Variants in SLC35D4 observed in about 807,000 individuals in gnomAD.
SLC35D4 encodes UDP-N-acetylglucosamine transporter SLC35D4.
At chr18:23,424,550 C>T in the SLC35D4 span, among the ~76,000 whole-genome samples, 3 of 152,120 alleles carry the variant, frequency 2.0e-5, no homozygotes, top group Admixed American at 6.6e-5. Context: ...GCAATCCAAG[C>T]GTAGAGATTA....
chr18:23,319,244 C>A, the SLC35D4 span, among the ~76,000 whole-genome samples: 9 of 147,406 alleles, frequency 6.1e-5, 1 homozygote, highest in East Asian at 1.8e-3. Flanking sequence ...TATTTCAGTG[C>A]TTTATTTATT....
At chr18:23,249,051 G>A in the SLC35D4 span, among the ~76,000 whole-genome samples, 1 of 152,228 alleles carries the variant, frequency 6.6e-6, no homozygotes, top group Non-Finnish European at 1.5e-5. Context: ...CTGCTCTGCT[G>A]TGCTCTACAC....
the SLC35D4 span, among the ~76,000 whole-genome samples, chr18:23,418,174 A>G: frequency 6.6e-6 from 1 of 152,102 alleles, no homozygotes; most frequent in African/African-American, 2.4e-5. Context: ...TGACTTAATA[A>G]CTTCTCCTTT....
At chr18:23,252,352 G>A in the SLC35D4 span, among the ~76,000 whole-genome samples, 13 of 152,304 alleles carry the variant, frequency 8.5e-5, no homozygotes, top group East Asian at 2.5e-3. Context: ...CCTAGAAATG[G>A]TTAAGATGGT....
the SLC35D4 span, among the ~76,000 whole-genome samples, chr18:23,360,840 G>A: frequency 6.6e-6 from 1 of 152,040 alleles, no homozygotes; most frequent in African/African-American, 2.4e-5. Context: ...AGCAGCTCAC[G>A]CCTGTAATCC....
At chr18:23,361,120 A>G in the SLC35D4 span, among the ~76,000 whole-genome samples, 5 of 138,246 alleles carry the variant, frequency 3.6e-5, no homozygotes, top group Admixed American at 7.2e-5. Context: ...AAAAAAAAAA[A>G]AAAAAGAAAA....
At chr18:23,354,677 T>C in the SLC35D4 span, among the ~76,000 whole-genome samples, 1 of 152,210 alleles carries the variant, frequency 6.6e-6, no homozygotes, top group Non-Finnish European at 1.5e-5. Flanking sequence ...CAGACTTCCT[T>C]TCCCTCGAGT....
At chr18:23,319,430 C>T in the SLC35D4 span, among the ~76,000 whole-genome samples, 1 of 151,228 alleles carries the variant, frequency 6.6e-6, no homozygotes, top group Non-Finnish European at 1.5e-5. Flanking sequence ...GCCACCATGC[C>T]CAGCTAATGT....
At chr18:23,240,866 T>TCCTTTC in the SLC35D4 span, among the ~76,000 whole-genome samples, 1 of 151,208 alleles carries the variant, frequency 6.6e-6, no homozygotes, top group Non-Finnish European at 1.5e-5. Flanking sequence ...CTCAAAGTGA[T>TCCTTTC]GAGCTAATCC....
chr18:23,359,769 C>A, the SLC35D4 span, among the ~76,000 whole-genome samples: 1 of 152,170 alleles, frequency 6.6e-6, no homozygotes, highest in Non-Finnish European at 1.5e-5. Flanking sequence ...AGTCTCCCTG[C>A]TCCTCTTGTT....
the SLC35D4 span, among the ~76,000 whole-genome samples, chr18:23,245,615 G>T: frequency 6.6e-6 from 1 of 152,142 alleles, no homozygotes; most frequent in Non-Finnish European, 1.5e-5. Flanking sequence ...ATCTCAGAAG[G>T]AATTTGTCTA....
At chr18:23,328,400 T>C in the SLC35D4 span, among the ~76,000 whole-genome samples, 1 of 152,134 alleles carries the variant, frequency 6.6e-6, no homozygotes, top group East Asian at 1.9e-4. Flanking sequence ...AGCATTCCTA[T>C]ACACCAATAA....
the SLC35D4 span, among the ~76,000 whole-genome samples, chr18:23,274,887 C>T: frequency 1.2e-4 from 19 of 152,256 alleles, no homozygotes; most frequent in African/African-American, 3.9e-4. Flanking sequence ...CAAGTCCCTG[C>T]GGCAGGCGTG....
the SLC35D4 span, among the ~76,000 whole-genome samples, chr18:23,323,638 T>C: frequency 6.6e-6 from 1 of 152,160 alleles, no homozygotes; most frequent in African/African-American, 2.4e-5. Context: ...CGCAACCTAT[T>C]TGCCATGGAC....
the SLC35D4 span, among the ~76,000 whole-genome samples, chr18:23,427,171 A>G: frequency 6.6e-6 from 1 of 152,226 alleles, no homozygotes; most frequent in Admixed American, 6.5e-5. Context: ...GACAAATGGG[A>G]TCTGATTAAA....
At chr18:23,354,561 G>A in the SLC35D4 span, among the ~76,000 whole-genome samples, 1 of 150,394 alleles carries the variant, frequency 6.6e-6, no homozygotes, top group South Asian at 2.1e-4. Flanking sequence ...TGGTGGTCAT[G>A]AGGGTGGGGC....
At chr18:23,345,609 A>G in the SLC35D4 span, among the ~76,000 whole-genome samples, 2 of 151,378 alleles carry the variant, frequency 1.3e-5, no homozygotes, top group Admixed American at 6.6e-5. Flanking sequence ...ATTCTAGCTT[A>G]GTACTAAATT....
the SLC35D4 span, among the ~76,000 whole-genome samples, chr18:23,315,641 G>A: frequency 6.6e-6 from 1 of 152,240 alleles, no homozygotes; most frequent in South Asian, 2.1e-4. Flanking sequence ...CATATATTTG[G>A]GAAAACTGGA....
the SLC35D4 span, among the ~76,000 whole-genome samples, chr18:23,312,424 G>A: frequency 6.6e-6 from 1 of 152,186 alleles, no homozygotes; most frequent in Non-Finnish European, 1.5e-5. Context: ...TCCTGGAAAT[G>A]TTTGTATAGT....
Sources: allele counts gnomAD v4.1 joint callset (sites outside exome capture counted in the v4.1 genomes callset), GRCh38; gene constraint gnomAD v4.1.1; transcripts MANE v1.5; gene names NCBI Gene and HGNC (gene_info 2026-07-23, HGNC 2026-07-21).